The following LSM1 variants were observed in gnomAD, a reference collection of about 807,000 sequenced individuals.
The protein encoded by LSM1 is U6 snRNA-associated Sm-like protein LSm1.
LSM1 carries 13 observed loss-of-function variants against 18.0 expected under a neutral mutation model. That is an observed-to-expected ratio of 0.72 (90% confidence interval 0.47 to 1.15). The LOEUF is 1.15. LSM1 is among the 50% of genes most tolerant of loss of function. LSM1 has a pLI of 0.00. For missense variants in LSM1, 152 were observed against 157.7 expected, an observed-to-expected ratio of 0.96 and a Z score of 0.19; for synonymous variants, 46 against 56.0, an observed-to-expected ratio of 0.82 and a Z score of 0.80.
At chr8:38,176,553 C>A, upstream of LSM1, 1 of 578,432 alleles carries the variant, frequency 1.7e-6, no homozygotes. Flanking sequence ...GCAGCCGTAC[C>A]GTTGGGGGAC....
chr8:38,163,709 A>T lies in LSM1; in HGVS notation c.363T>A (p.Gly121=). ...KLKVQALKDR[G]LSIPRADTLD... is the part of the protein sequence containing the mutation. Reference sequence around the variant, plus strand: ...GAGTATCTGCTCGAGGAATGGAAAGACCTCGGTCCTTCAGGGCCTGCACTT... The same window carrying T: ...GAGTATCTGCTCGAGGAATGGAAAGTCCTCGGTCCTTCAGGGCCTGCACTT... The change falls in exon 4 of 4, where the codon GGT becomes GGA. Residue 121 remains glycine, a synonymous_variant. Coordinates refer to ENST00000311351, the MANE Select transcript of LSM1 (RefSeq NM_014462.3). 1 of 1,614,112 alleles carries T rather than the reference A, an allele frequency of 6.2e-7. No homozygotes were observed. The highest frequency in any genetic ancestry group is 8.5e-7 in the Non-Finnish European group (1 of 1,180,012).
At chr8:38,170,753 A>G (rs1803013684) in intron 2 of LSM1, among the ~76,000 whole-genome samples, 1 of 152,238 alleles carries the variant, frequency 6.6e-6, no homozygotes, top group Non-Finnish European at 1.5e-5. Context: ...TATATTTGTA[A>G]TCTAAAAGTC....
chr8:38,167,963 G>C (rs890679611), intron 3 of LSM1, among the ~76,000 whole-genome samples: 50 of 151,168 alleles, frequency 3.3e-4, no homozygotes, highest in African/African-American at 1.1e-3. Flanking sequence ...GGTGCTTTCA[G>C]ACTTTTTTTT....
chr8:38,167,676 C>A (rs1181902393), intron 3 of LSM1, among the ~76,000 whole-genome samples: 1 of 152,128 alleles, frequency 6.6e-6, no homozygotes, highest in Non-Finnish European at 1.5e-5. Flanking sequence ...TGATACGTTG[C>A]CTCTTCAAAA....
chr8:38,176,709 G>C (rs1244141294), upstream of LSM1: 5 of 947,496 alleles, frequency 5.3e-6, no homozygotes, highest in Admixed American at 3.5e-5. Flanking sequence ...CCGTCCCTCA[G>C]CTTTCGGGGT....
At chr8:38,176,011 G>A (rs1056364314) in intron 1 of LSM1, 2 of 386,272 alleles carry the variant, frequency 5.2e-6, no homozygotes, top group Non-Finnish European at 9.4e-6. Flanking sequence ...CGCGATCCAC[G>A]GAAGCAAGAA....
chr8:38,167,286 A>G (rs1410197952), intron 3 of LSM1, among the ~76,000 whole-genome samples: 1 of 152,268 alleles, frequency 6.6e-6, no homozygotes, highest in Non-Finnish European at 1.5e-5. Context: ...CTTTGTGCCA[A>G]TGTAACCAGT....
intron 2 of LSM1, among the ~76,000 whole-genome samples, chr8:38,170,703 T>C (rs1461371718): frequency 6.6e-6 from 1 of 152,212 alleles, no homozygotes; most frequent in African/African-American, 2.4e-5. Context: ...CCATGGGTTA[T>C]GATACAGCAA....
At chr8:38,174,405 A>T (rs1803081763) in intron 1 of LSM1, among the ~76,000 whole-genome samples, 1 of 152,206 alleles carries the variant, frequency 6.6e-6, no homozygotes, top group South Asian at 2.1e-4. Context: ...AGGATGGGTG[A>T]AAATACAGAA....
intron 3 of LSM1, 53 bp from the exon 4 acceptor site, chr8:38,163,893 A>T (rs1802883516): frequency 6.6e-7 from 1 of 1,523,430 alleles, no homozygotes. Context: ...AATAGAAAGC[A>T]CAGATCTCAA....
intron 1 of LSM1, among the ~76,000 whole-genome samples, chr8:38,174,868 G>C (rs558813445): frequency 1.6e-4 from 25 of 151,522 alleles, no homozygotes; most frequent in Admixed American, 1.4e-3. Context: ...ACCAAAAAAT[G>C]CAAAAATTAG....
intron 3 of LSM1, among the ~76,000 whole-genome samples, chr8:38,164,896 C>T (rs1053982747): frequency 6.6e-6 from 1 of 152,148 alleles, no homozygotes; most frequent in Admixed American, 6.5e-5. Flanking sequence ...GTAGCTGGGG[C>T]TACAGGTGTG....
At chr8:38,165,929 C>T (rs150589043) in intron 3 of LSM1, 2 of 152,136 alleles carry the variant, frequency 1.3e-5, no homozygotes, top group Non-Finnish European at 2.9e-5. Context: ...GACTTTAATT[C>T]GTTTTTTCAC....
At chr8:38,175,214 G>A (rs184100922) in intron 1 of LSM1, among the ~76,000 whole-genome samples, 1,695 of 151,400 alleles carry the variant, frequency 0.011, 39 homozygotes, top group African/African-American at 0.039. Flanking sequence ...CCGAGTAGCT[G>A]GGATTACAGG....
intron 3 of LSM1, among the ~76,000 whole-genome samples, chr8:38,164,825 C>T (rs572047154): frequency 4.3e-4 from 65 of 152,140 alleles, no homozygotes; most frequent in African/African-American, 1.5e-3. Flanking sequence ...AACAGCAAGA[C>T]CGTCTCAAAA....
intron 3 of LSM1, 149 bp downstream of exon 3, chr8:38,169,653 T>C: frequency 1.9e-6 from 1 of 540,250 alleles, no homozygotes; most frequent in Non-Finnish European, 3.3e-6. Context: ...CAAAGTATTC[T>C]CTGTAGCTTC....
intron 1 of LSM1, 21 bp downstream of exon 1, chr8:38,176,254 G>A (rs748742846): frequency 5.0e-6 from 8 of 1,611,744 alleles, no homozygotes; most frequent in Middle Eastern, 1.7e-4. Flanking sequence ...GGGCTCCACC[G>A]GGAGGAGATA....
chr8:38,173,539 A>T (rs1472317616), intron 1 of LSM1, among the ~76,000 whole-genome samples: 1 of 152,134 alleles, frequency 6.6e-6, no homozygotes, highest in Non-Finnish European at 1.5e-5. Flanking sequence ...GAACAAGAAA[A>T]CATTAAGTGA....
At chr8:38,174,742 G>A (rs1803089209) in intron 1 of LSM1, among the ~76,000 whole-genome samples, 1 of 152,054 alleles carries the variant, frequency 6.6e-6, no homozygotes. Flanking sequence ...TGATCTGTCG[G>A]CCGGAGGCGG....
Sources: gnomAD v4.1 joint callset for allele counts (sites outside exome capture counted in the v4.1 genomes callset) on GRCh38, gnomAD v4.1.1 for gene constraint, MANE v1.5 for transcripts, NCBI Gene and HGNC (gene_info 2026-07-23, HGNC 2026-07-21) for gene names.